The following SANBR variants were observed in gnomAD, a reference collection of about 807,000 sequenced individuals.
The protein encoded by SANBR is SANT and BTB domain regulator of class switch recombination.
Under a neutral mutation model 101.8 loss-of-function variants are expected in SANBR, and 77 were observed. The observed-to-expected ratio is 0.76, with a 90% confidence interval of 0.63 to 0.91. The LOEUF (loss-of-function observed/expected upper bound fraction) is 0.91, where lower values mean the gene tolerates loss of function less well. Ranked by LOEUF, SANBR falls within the 40% of genes least tolerant of loss-of-function variation. SANBR has a pLI of 0.00. For synonymous variants in SANBR, 279 were observed against 274.7 expected (o/e 1.02, Z -0.15); for missense variants, 875 against 853.0 (o/e 1.03, Z -0.32).
At chr2:61,097,994 C>T (rs894582156) in intron 12 of SANBR, 142 bp downstream of exon 12, 2 of 550,190 alleles carry the variant, frequency 3.6e-6, no homozygotes, top group Non-Finnish European at 3.0e-6. Context: ...TCCATCTCTT[C>T]TTAGAGATAA....
At chr2:61,097,186 A>T (rs1290943953) in intron 11 of SANBR, among the ~76,000 whole-genome samples, 1 of 152,138 alleles carries the variant, frequency 6.6e-6, no homozygotes, top group African/African-American at 2.4e-5. Context: ...TAACCAAATG[A>T]AGCAAAATTT....
At chr2:61,117,190 G>A in intron 17 of SANBR, 167 bp from the exon 18 acceptor site, 1 of 639,964 alleles carries the variant, frequency 1.6e-6, no homozygotes, top group Non-Finnish European at 2.8e-6. Flanking sequence ...GATATTAATA[G>A]TGCCTGTCTC....
Position 61,121,207 on chromosome 2 carries a change from G to C in SANBR, c.2051G>C (p.Arg684Thr). ...AKEFAGGIYS[R>T]LEAQIKASVP... is the part of the protein sequence containing the mutation. ...CAGTTTGCAGGAGGTATTTATTCCA[G>C]GCTGGAAGCACAAATCAAGGCCTCA... is the stretch of plus-strand genomic sequence containing the variant. Residue 684 changes from arginine to threonine, a missense_variant, in exon 21 of 22, where the codon AGG becomes ACG. Coordinates refer to ENST00000402291, the MANE Select transcript of SANBR (RefSeq NM_001129993.3). 6.4e-7 allele frequency: 1 copy of C among 1,551,144 alleles called. No individual in the cohort carries two copies. The highest frequency in any genetic ancestry group is 8.7e-7 in the Non-Finnish European group (1 of 1,146,560).
chr2:61,121,298 CAG>C, intron 21 of SANBR, 22 bp downstream of exon 21: 1 of 1,517,502 alleles, frequency 6.6e-7, no homozygotes. Context: ...TAAACTAAAC[CAG>C]AGTGTCAGTG....
In SANBR at chr2:61,088,229, G is replaced by A. The variant is rs372954854; in HGVS notation, c.961G>A (p.Ala321Thr). The change falls in exon 9 of 22, where the codon GCA becomes ACA. Residue 321 changes from alanine to threonine, a missense_variant. Coordinates refer to ENST00000402291, the MANE Select transcript of SANBR (RefSeq NM_001129993.3). Reference protein sequence around the residue: ...EYLNPDSRSNAATLYRCCLCK... With the variant: ...EYLNPDSRSNTATLYRCCLCK... ...CTTGAATCCAGATTCTCGGAGTAAT[G>A]CAGCAACATTGTATAGGTATGCTAA... The A allele has an allele frequency of 6.8e-6, 11 of 1,608,556 alleles. No individual in the cohort carries two copies. Among genetic ancestry groups the A allele is most frequent in the Non-Finnish European group, 9.3e-6 (11 of 1,177,452 alleles).
At chr2:61,126,005 C>A (rs140962409), downstream of SANBR, among the ~76,000 whole-genome samples, 29 of 152,298 alleles carry the variant, frequency 1.9e-4, no homozygotes, top group African/African-American at 6.5e-4. Context: ...GCAGGCAACT[C>A]GAGTGCACTT....
chr2:61,097,659 G>T, intron 11 of SANBR, 41 bp from the exon 12 acceptor site: 1 of 1,431,496 alleles, frequency 7.0e-7, no homozygotes, highest in Non-Finnish European at 9.6e-7. Flanking sequence ...ATATAATTTT[G>T]TTGTGGAAAT....
chr2:61,134,879 C>G (rs1005488191), intron 21 of SANBR, among the ~76,000 whole-genome samples: 1 of 151,628 alleles, frequency 6.6e-6, no homozygotes, highest in Non-Finnish European at 1.5e-5. Flanking sequence ...TGCAACAGAG[C>G]GAGACTCAAA....
intron 20 of SANBR, 67 bp from the exon 21 acceptor site, chr2:61,121,118 C>A: frequency 1.9e-6 from 2 of 1,071,228 alleles, no homozygotes; most frequent in Non-Finnish European, 2.7e-6. Flanking sequence ...AAAAGTAATC[C>A]CATTTTAATA....
Position 61,116,023 on chromosome 2 carries a change from C to G in SANBR, c.1789C>G (p.Gln597Glu). The change falls in exon 17 of 22, where the codon CAG (glutamine) becomes GAG (glutamate). Residue 597 changes from glutamine (Q) to glutamate (E), a missense_variant. Physicochemically the swap from Gln to Glu is conservative, Grantham distance 29. Transcript: ENST00000402291. ...GAAGTTCACTAGACAACCAAAAAAG[C>G]AGGTATCTTCACCCTGTGCCCAGAG... Reference protein sequence around the residue: ...PKKFTRQPKKQVSSPCAQRKE... With the variant: ...PKKFTRQPKKEVSSPCAQRKE... 6.2e-7 allele frequency: 1 copy of G among 1,612,398 alleles called. No individual in the cohort carries two copies. Among genetic ancestry groups the G allele is most frequent in the South Asian group, 1.1e-5 (1 of 90,792 alleles).
Position 61,118,039 on chromosome 2 carries a change from A to T in SANBR, c.1951A>T (p.Met651Leu). ...DAQREDDQRR[M>L]TEITGHLIKM... is the part of the protein sequence containing the mutation. ...TTTTTTCCCTTCAGATCAACGGCGA[A>T]TGACTGAAATTACAGGGCACCTAAT... The change falls in exon 20 of 22, where the codon ATG (methionine) becomes TTG (leucine). Residue 651 changes from methionine (M) to leucine (L), a missense_variant. Met to Leu is a conservative substitution (Grantham distance 15). Transcript: ENST00000402291. The T allele has an allele frequency of 6.2e-7, 1 of 1,613,350 alleles. No individual in the cohort carries two copies. The highest frequency in any genetic ancestry group is 1.3e-5 in the African/African-American group (1 of 75,002).
chr2:61,136,298 G>A (rs1426147168), intron 21 of SANBR, among the ~76,000 whole-genome samples: 2 of 141,928 alleles, frequency 1.4e-5, no homozygotes, highest in Middle Eastern at 4.0e-3. Context: ...AGCGAGACTC[G>A]TCTGAAAAAA....
intron 13 of SANBR, among the ~76,000 whole-genome samples, chr2:61,104,417 G>T (rs1165031986): frequency 1.3e-5 from 2 of 151,756 alleles, no homozygotes; most frequent in Non-Finnish European, 2.9e-5. Context: ...GGGAGGTGGA[G>T]CTGGCAGTGA....
chr2:61,124,671 ACTCCAGCCT>A (rs1684462190), downstream of SANBR, among the ~76,000 whole-genome samples: 1 of 151,404 alleles, frequency 6.6e-6, no homozygotes, highest in Non-Finnish European at 1.5e-5. Flanking sequence ...GTGCCACTGC[ACTCCAGCCT>A]GTGCAGCAGA....
Position 61,098,072 on chromosome 2 carries a change from TA to T in SANBR, c.1365+221del, listed in dbSNP as rs201338655. Among the ~76,000 whole-genome samples, 426 of 148,152 alleles carry T rather than the reference TA, an allele frequency of 2.9e-3. 1 individual carries two copies. Among genetic ancestry groups the T allele is most frequent in the African/African-American group, 8.4e-3 (341 of 40,568 alleles). On this transcript the variant is annotated intron_variant, in intron 12 of 21. Coordinates refer to ENST00000402291, the MANE Select transcript of SANBR (RefSeq NM_001129993.3). ...CAGGCACAAATTATATATATATATATATATATTTTTTGGAGGTTTTTGTTTT... is the reference window on the plus strand; with the variant it reads ...CAGGCACAAATTATATATATATATATTATATTTTTTGGAGGTTTTTGTTTT...
chr2:61,100,176 C>T (rs1244462489), intron 12 of SANBR, among the ~76,000 whole-genome samples: 9 of 152,220 alleles, frequency 5.9e-5, no homozygotes, highest in Admixed American at 5.9e-4. Flanking sequence ...ACGATCTCAG[C>T]TCACTGCAAC....
At chr2:61,092,362 C>A in intron 10 of SANBR, 102 bp from the exon 11 acceptor site, 2 of 868,192 alleles carry the variant, frequency 2.3e-6, no homozygotes, top group Non-Finnish European at 3.2e-6. Flanking sequence ...CCAGCCTGGG[C>A]AACAAGAGTG....
At chr2:61,079,362 T>G (rs147921312) in intron 6 of SANBR, among the ~76,000 whole-genome samples, 52 of 152,330 alleles carry the variant, frequency 3.4e-4, no homozygotes, top group African/African-American at 1.0e-3. Flanking sequence ...ATGATCACAC[T>G]TGTGGTTTAA....
intron 10 of SANBR, among the ~76,000 whole-genome samples, chr2:61,089,890 T>C (rs2104896197): frequency 6.6e-6 from 1 of 152,122 alleles, no homozygotes; most frequent in South Asian, 2.1e-4. Flanking sequence ...ACTCCTGGGC[T>C]CAAGAGATCT....
Sources: allele counts gnomAD v4.1 joint callset (sites outside exome capture counted in the v4.1 genomes callset), GRCh38; gene constraint gnomAD v4.1.1; transcripts MANE v1.5; gene names NCBI Gene and HGNC (gene_info 2026-07-23, HGNC 2026-07-21).